The following RPTOR variants were observed in gnomAD, a reference collection of about 807,000 sequenced individuals.
RPTOR encodes the protein regulatory associated protein of MTOR complex 1, also known as regulatory-associated protein of mTOR.
RPTOR carries 21 observed loss-of-function variants against 169.9 expected under a neutral mutation model. The ratio of observed to expected loss-of-function variants is 0.12; its 90% CI spans 0.09 to 0.18. The LOEUF is 0.18. Among genes scored for constraint, RPTOR ranks in the 10% least tolerant of loss-of-function variants. The pLI is 1.00. For missense variants in RPTOR, 1,133 were observed against 1,855.9 expected (o/e 0.61, Z 7.16); for synonymous variants, 732 against 753.2 (o/e 0.97, Z 0.46).
intron 12 of RPTOR, among the ~76,000 whole-genome samples, chr17:80,855,819 TGTC>T (rs962326210): frequency 6.6e-6 from 1 of 152,120 alleles, no homozygotes; most frequent in Admixed American, 6.5e-5. Context: ...GTGAGTGTGT[TGTC>T]GGCCGGTCAC....
intron 20 of RPTOR, among the ~76,000 whole-genome samples, chr17:80,907,119 G>T (rs1022498014): frequency 6.6e-6 from 1 of 152,222 alleles, no homozygotes; most frequent in Non-Finnish European, 1.5e-5. Flanking sequence ...CTCCACGTGC[G>T]CAGCTGTGTT....
At chr17:80,903,240 G>T (rs1308142283) in intron 20 of RPTOR, among the ~76,000 whole-genome samples, 1 of 152,240 alleles carries the variant, frequency 6.6e-6, no homozygotes, top group Non-Finnish European at 1.5e-5. Context: ...AGAGCCAGAA[G>T]CCCCGCAGGC....
chr17:80,668,663 T>C (rs1670369641), intron 3 of RPTOR, among the ~76,000 whole-genome samples: 1 of 152,244 alleles, frequency 6.6e-6, no homozygotes, highest in African/African-American at 2.4e-5. Context: ...TTAGGTCACT[T>C]GCGTCACAGG....
chr17:80,733,316 A>T (rs1248501668), intron 5 of RPTOR, among the ~76,000 whole-genome samples: 1 of 152,252 alleles, frequency 6.6e-6, no homozygotes, highest in Non-Finnish European at 1.5e-5. Context: ...AAAATTAAGG[A>T]TAATATTCAA....
At chr17:80,577,687 T>C (rs1244247728) in intron 1 of RPTOR, among the ~76,000 whole-genome samples, 4 of 152,194 alleles carry the variant, frequency 2.6e-5, no homozygotes, top group Admixed American at 1.3e-4. Context: ...CAGGGTGTCA[T>C]GGCCAGGGTG....
intron 3 of RPTOR, among the ~76,000 whole-genome samples, chr17:80,662,909 C>T (rs903550152): frequency 1.3e-5 from 2 of 152,144 alleles, no homozygotes; most frequent in African/African-American, 4.8e-5. Context: ...AACTAAATTC[C>T]TCCCATGGTT....
rs200214856 is a variant in RPTOR, at chr17:80,634,719, C to CTG, written c.265+8935_265+8936dup. Among the ~76,000 whole-genome samples, 31 of 59,210 alleles carry CTG rather than the reference C, an allele frequency of 5.2e-4. 4 individuals carry two copies. The highest frequency in any genetic ancestry group is 2.2e-3 in the African/African-American group (28 of 12,652). 38.8% of individuals were successfully genotyped at this position (59,210 alleles called of 152,430 possible). ...CGTGTGCGTACTGTGTGTGTGCGTA[C>CTG]TGTGTGTGTGCGTACTGTGTGTGTG... On this transcript the variant is annotated intron_variant, in intron 2 of 33. Transcript: ENST00000306801.
Position 80,965,534 on chromosome 17 carries a change from T to C in RPTOR, c.*1204T>C, listed in dbSNP as rs1443018829. On this transcript the variant is annotated 3_prime_UTR_variant, in exon 34 of 34. Coordinates refer to ENST00000306801, the MANE Select transcript of RPTOR (RefSeq NM_020761.3). ...CACAATGATGGTATTTTGAAAAGTGTTCTTTCCGTGTTCGTCGGGAATCAG... is the reference window on the plus strand; with the variant it reads ...CACAATGATGGTATTTTGAAAAGTGCTCTTTCCGTGTTCGTCGGGAATCAG... 4.3e-6 allele frequency: 1 copy of C among 233,364 alleles called. No individual in the cohort carries two copies. Among genetic ancestry groups the C allele is most frequent in the African/African-American group, 2.2e-5 (1 of 45,474 alleles). 14.5% of individuals were successfully genotyped at this position (233,364 alleles called of 1,614,324 possible).
At chr17:80,598,882 T>TTCTATCTATCTATCTATCTATCTATCTA (rs57535540) in intron 1 of RPTOR, among the ~76,000 whole-genome samples, 1 of 146,758 alleles carries the variant, frequency 6.8e-6, no homozygotes, top group African/African-American at 2.5e-5. Context: ...TCTTGATTCT[T>TTCTATCTATCTATCTATCTATCTATCTA]TCTATCTATC....
chr17:80,876,950 G>C lies in RPTOR; in HGVS notation c.1510-3465G>C, dbSNP rs557564397. Among the ~76,000 whole-genome samples, 8 of 147,868 alleles carry C rather than the reference G, an allele frequency of 5.4e-5. No homozygotes were observed. The East Asian group carries it at 1.6e-3, about 30-fold the overall frequency. On this transcript the variant is annotated intron_variant, in intron 13 of 33. Transcript: ENST00000306801. ...TTCCCACCGAGCCCGTGCCACTCAG[G>C]GTGTGTGTGTCGCCTGCCGGGTCTT...
chr17:80,862,108 A>AG (rs2067923322), intron 13 of RPTOR, among the ~76,000 whole-genome samples: 1 of 152,130 alleles, frequency 6.6e-6, no homozygotes, highest in Non-Finnish European at 1.5e-5. Flanking sequence ...ATGCTGCTGA[A>AG]GGGGTCATCT....
chr17:80,599,741 C>T (rs1460409873), intron 1 of RPTOR, among the ~76,000 whole-genome samples: 2 of 152,194 alleles, frequency 1.3e-5, no homozygotes, highest in Non-Finnish European at 1.5e-5. Flanking sequence ...TGCCTTTTGC[C>T]TACCCCGGAA....
intron 5 of RPTOR, among the ~76,000 whole-genome samples, chr17:80,742,516 CAACACATG>C (rs1405425394): frequency 5.3e-5 from 8 of 151,912 alleles, no homozygotes; most frequent in Non-Finnish European, 1.2e-4. Context: ...TGCACATAGA[CAACACATG>C]CACACATGTA....
intron 13 of RPTOR, chr17:80,858,226 C>T (rs2067877450): frequency 5.9e-6 from 2 of 339,954 alleles, no homozygotes; most frequent in Non-Finnish European, 5.6e-6. Flanking sequence ...AAGGCTGTCC[C>T]CGTGCTCCTG....
intron 17 of RPTOR, among the ~76,000 whole-genome samples, chr17:80,891,091 G>C (rs1201777432): frequency 6.6e-6 from 1 of 152,216 alleles, no homozygotes; most frequent in African/African-American, 2.4e-5. Context: ...AGGATCTCCA[G>C]CTGTTCCTGT....
intron 20 of RPTOR, among the ~76,000 whole-genome samples, chr17:80,905,859 G>T (rs1443687971): frequency 6.6e-6 from 1 of 152,194 alleles, no homozygotes; most frequent in East Asian, 1.9e-4. Flanking sequence ...CTTGCCCAGT[G>T]CCCTATTCTT....
intron 1 of RPTOR, among the ~76,000 whole-genome samples, chr17:80,594,077 T>C (rs2065126771): frequency 6.6e-6 from 1 of 152,082 alleles, no homozygotes; most frequent in South Asian, 2.1e-4. Flanking sequence ...TTCTTTCTCT[T>C]CTCTTCTCTT....
chr17:80,738,370 T>G (rs2066452486), intron 5 of RPTOR, among the ~76,000 whole-genome samples: 1 of 152,246 alleles, frequency 6.6e-6, no homozygotes, highest in South Asian at 2.1e-4. Context: ...CACCATCCCT[T>G]TCTGTGGTTT....
intron 33 of RPTOR, among the ~76,000 whole-genome samples, chr17:80,963,848 C>T (rs1286255816): frequency 2.0e-5 from 3 of 152,292 alleles, no homozygotes; most frequent in Middle Eastern, 6.8e-3. Context: ...GTCCCCTGTG[C>T]GGCCGGGCCC....
Sources: gnomAD v4.1 joint callset for allele counts (sites outside exome capture counted in the v4.1 genomes callset) on GRCh38, gnomAD v4.1.1 for gene constraint, MANE v1.5 for transcripts, NCBI Gene and HGNC (gene_info 2026-07-23, HGNC 2026-07-21) for gene names.